Variants in UNC45B observed in about 807,000 individuals in gnomAD.
UNC45B encodes the protein protein unc-45 homolog B.
In UNC45B, 78 loss-of-function variants were observed where a neutral mutation model predicts 98.7. The observed-to-expected ratio is 0.79, with a 90% confidence interval of 0.66 to 0.95. The LOEUF (loss-of-function observed/expected upper bound fraction) is 0.95, where lower values mean the gene tolerates loss of function less well. Ranked by LOEUF, UNC45B falls within the 40% of genes least tolerant of loss-of-function variation. The pLI is 0.00. For synonymous variants in UNC45B, 462 were observed against 480.4 expected (o/e 0.96, Z 0.50); for missense variants, 1,225 against 1,184.9 (o/e 1.03, Z -0.50).
chr17:35,164,372 T>G, intron 9 of UNC45B: 2 of 469,228 alleles, frequency 4.3e-6, no homozygotes, highest in Non-Finnish European at 7.1e-6. Context: ...GCTGCAGCCA[T>G]CTGGAGGCTT....
At position 35,155,308 on chromosome 17, in the gene UNC45B, C is replaced by G; in HGVS notation, c.652C>G (p.Leu218Val). 6.2e-7 allele frequency: 1 copy of G among 1,614,026 alleles called. No individual in the cohort carries two copies. Among genetic ancestry groups the G allele is most frequent in the Non-Finnish European group, 8.5e-7 (1 of 1,179,984 alleles). Residue 218 changes from leucine (L) to valine (V), a missense_variant, in exon 7 of 20, where the codon CTG (leucine) becomes GTG (valine). By Grantham distance (32) the Leu-to-Val change is conservative. Transcript: ENST00000394570. ...SGHQARATVI[L>V]HAVRIDRICS... ...GCTGGGGTTCTAGGCCACAGTGATT[C>G]TGCATGCAGTGCGGATAGACCGAAT...
Position 35,168,238 on chromosome 17 carries a change from G to A in UNC45B, c.1329G>A (p.Glu443=), listed in dbSNP as rs1158137765. The A allele has an allele frequency of 1.9e-6, 3 of 1,587,462 alleles. No homozygotes were observed. The highest frequency in any genetic ancestry group is 2.3e-5 in the East Asian group (1 of 42,666). ...AGACGGACCAGCTGGTGGCCGTGGA[G>A]GCCCTCATCCATGCCTCCACGAAGC... ...ERETDQLVAV[E]ALIHASTKLS... is the part of the protein sequence containing the mutation. The change falls in exon 10 of 20, where the codon GAG becomes GAA. Residue 443 remains glutamate (E), a synonymous_variant. Coordinates refer to ENST00000394570, the MANE Select transcript of UNC45B (RefSeq NM_001267052.2).
In UNC45B at chr17:35,177,720, A is replaced by G. The variant is rs986043767; in HGVS notation, c.2255+110A>G. 1.2e-4 allele frequency: 98 copies of G among 833,048 alleles called. No homozygotes were observed. The East Asian group carries it at 2.6e-3, about 22-fold the overall frequency. The allele number at this position is 833,048 out of a possible 1,614,324, so 51.6% of individuals were successfully genotyped here. A position where few individuals can be genotyped will look rare whatever the true frequency, so the allele number is the denominator to read the frequency against. ...TCTTCTCTGAAGACAACACAAAGGC[A>G]AGGGGTGGGATTTGAGTTAGCACAA... is the stretch of plus-strand genomic sequence containing the variant. On this transcript the variant is annotated intron_variant, in intron 17 of 19. Coordinates refer to ENST00000394570, the MANE Select transcript of UNC45B (RefSeq NM_001267052.2).
intron 9 of UNC45B, among the ~76,000 whole-genome samples, chr17:35,165,622 A>G (rs1016111158): frequency 6.6e-6 from 1 of 152,204 alleles, no homozygotes. Context: ...CTCTGTCAAC[A>G]TATTTTTAAA....
rs770338951 is a variant in UNC45B at position 35,150,067 on chromosome 17, G to A, written c.225G>A (p.Ser75=). 2.3e-5 allele frequency: 37 copies of A among 1,607,896 alleles called. No homozygotes were observed. The highest frequency in any genetic ancestry group is 4.4e-5 in the South Asian group (4 of 90,072). ...CGATAGCCATCGACATCAACTCCTC[G>A]GACATCAAGGCTCTGTATCGGCGAT... ...DASRAIDINS[S]DIKALYRRCQ... The change falls in exon 4 of 20, where the codon TCG becomes TCA. Residue 75 remains serine (S), a synonymous_variant. Transcript: ENST00000394570.
intron 18 of UNC45B, among the ~76,000 whole-genome samples, chr17:35,182,672 C>G (rs1353545290): frequency 6.6e-6 from 1 of 152,104 alleles, no homozygotes; most frequent in Non-Finnish European, 1.5e-5. Flanking sequence ...ATATGGTGAC[C>G]TCTGCCATGC....
chr17:35,177,304 A>AGAACCAGT (rs2092241542), intron 16 of UNC45B, among the ~76,000 whole-genome samples, 174 bp downstream of exon 16: 1 of 152,144 alleles, frequency 6.6e-6, no homozygotes, highest in Non-Finnish European at 1.5e-5. Flanking sequence ...GACAAACCGG[A>AGAACCAGT]TTGCCCTCTC....
intron 15 of UNC45B, 36 bp from the exon 16 acceptor site, chr17:35,176,981 T>A: frequency 6.4e-7 from 1 of 1,556,458 alleles, no homozygotes; most frequent in Non-Finnish European, 8.8e-7. Context: ...CCTCTGGATG[T>A]CTGTGACTAA....
chr17:35,166,233 A>C (rs1021899023), intron 9 of UNC45B, among the ~76,000 whole-genome samples: 1 of 151,812 alleles, frequency 6.6e-6, no homozygotes, highest in African/African-American at 2.4e-5. Context: ...GCACTACTGC[A>C]CTCCAGCCTG....
intron 18 of UNC45B, 65 bp downstream of exon 18, chr17:35,180,741 G>GACCCT: frequency 2.3e-6 from 3 of 1,290,858 alleles, no homozygotes; most frequent in Non-Finnish European, 3.3e-6. Context: ...GCCAGGGTCA[G>GACCCT]GGCCTGGGGT....
intron 6 of UNC45B, among the ~76,000 whole-genome samples, chr17:35,155,072 C>T (rs376151577): frequency 6.6e-6 from 1 of 152,332 alleles, no homozygotes; most frequent in South Asian, 2.1e-4. Flanking sequence ...CCCATGTGGC[C>T]GGTGGTCACT....
At chr17:35,175,065 AAG>A (rs1447990452) in intron 14 of UNC45B, among the ~76,000 whole-genome samples, 35 of 69,054 alleles carry the variant, frequency 5.1e-4, no homozygotes, top group Admixed American at 2.4e-3. Context: ...GGAAAGAAGA[AAG>A]AAAGAAAGAA....
chr17:35,176,138 C>A, intron 15 of UNC45B, 104 bp downstream of exon 15: 1 of 1,119,834 alleles, frequency 8.9e-7, no homozygotes, highest in Non-Finnish European at 1.4e-6. Context: ...GGAATACGGC[C>A]ACCAGTTATC....
At position 35,156,358 on chromosome 17, in the gene UNC45B, C is replaced by T. The variant is rs141935770; in HGVS notation, c.808+894C>T. On this transcript the variant is annotated intron_variant, in intron 7 of 19. Coordinates refer to ENST00000394570, the MANE Select transcript of UNC45B (RefSeq NM_001267052.2). ...ATGGTTAAAATGGGGCCAGGTGCAG[C>T]GACTCACTCCTGTAATCCCAGCAAT... 2.1e-3 allele frequency among the ~76,000 whole-genome samples: 315 copies of T among 152,222 alleles called. 1 individual carries two copies. Among genetic ancestry groups the T allele is most frequent in the African/African-American group, 6.3e-3 (263 of 41,540 alleles).
At chr17:35,172,920 C>T (rs1484484915) in intron 13 of UNC45B, among the ~76,000 whole-genome samples, 1 of 152,152 alleles carries the variant, frequency 6.6e-6, no homozygotes, top group Non-Finnish European at 1.5e-5. Context: ...GACTGGTTTT[C>T]TACGGTATCA....
At chr17:35,168,442 G>A in intron 10 of UNC45B, 81 bp downstream of exon 10, 1 of 1,234,398 alleles carries the variant, frequency 8.1e-7, no homozygotes, top group Non-Finnish European at 1.0e-6. Context: ...AATGAGTTGA[G>A]GCTGCTGTCC....
At chr17:35,152,756 G>T in intron 4 of UNC45B, 137 bp from the exon 5 acceptor site, 1 of 741,438 alleles carries the variant, frequency 1.3e-6, no homozygotes, top group Non-Finnish European at 2.5e-6. Context: ...GTAAATGTTT[G>T]TCGAATGAAT....
At chr17:35,167,739 C>A (rs185048369) in intron 9 of UNC45B, among the ~76,000 whole-genome samples, 4 of 152,312 alleles carry the variant, frequency 2.6e-5, no homozygotes, top group Admixed American at 2.0e-4. Flanking sequence ...CCCTCTGCCC[C>A]AGTCCTGCTT....
chr17:35,184,991 T>C (rs4286150), intron 19 of UNC45B, among the ~76,000 whole-genome samples: 68,821 of 151,924 alleles, frequency 0.45, 16,596 homozygotes, highest in African/African-American at 0.62. Context: ...TCCTTTGACC[T>C]TCGGTGACTC....
Sources: gnomAD v4.1 joint callset for allele counts (sites outside exome capture counted in the v4.1 genomes callset) on GRCh38, gnomAD v4.1.1 for gene constraint, MANE v1.5 for transcripts, NCBI Gene and HGNC (gene_info 2026-07-23, HGNC 2026-07-21) for gene names.